The following CMBL variants were observed in gnomAD, a reference collection of about 807,000 sequenced individuals.
CMBL encodes the protein carboxymethylenebutenolidase homolog, also known as carboxymethylenebutenolidase homolog (Pseudomonas).
CMBL carries 17 observed loss-of-function variants against 28.7 expected under a neutral mutation model. That is an observed-to-expected ratio of 0.59 (90% confidence interval 0.41 to 0.89). CMBL has a LOEUF of 0.89. Ranked by LOEUF, CMBL falls within the 40% of genes least tolerant of loss-of-function variation. The pLI is 0.00. For synonymous variants in CMBL, 106 were observed against 101.6 expected, an observed-to-expected ratio of 1.04 and a Z score of -0.26; for missense variants, 310 against 298.5, an observed-to-expected ratio of 1.04 and a Z score of -0.28.
At chr5:10,303,429 T>C (rs975960502) in intron 1 of CMBL, among the ~76,000 whole-genome samples, 2 of 152,206 alleles carry the variant, frequency 1.3e-5, no homozygotes, top group East Asian at 3.8e-4. Context: ...ACAACACATG[T>C]ATTTATTAAA....
chr5:10,290,303 G>A, intron 2 of CMBL: 1 of 514,886 alleles, frequency 1.9e-6, no homozygotes, highest in South Asian at 2.2e-5. Context: ...TCAATGTCCA[G>A]CAAGTCTAAA....
chr5:10,288,652 G>A (rs530954303), intron 2 of CMBL, 123 bp from the exon 3 acceptor site: 2 of 727,038 alleles, frequency 2.8e-6, no homozygotes, highest in Non-Finnish European at 4.7e-6. Flanking sequence ...AAAGTAGTGG[G>A]TGTGAAGGCC....
Position 10,278,265 on chromosome 5 carries a change from C to T in CMBL, c.*2188G>A, listed in dbSNP as rs976961351. ...ATACTAGAAGCAGGGATTAGTAACA[C>T]AGTTTCCAGTTATACAACTTCTCAC... On this transcript the variant is annotated 3_prime_UTR_variant, in exon 6 of 6. Coordinates refer to ENST00000296658, the MANE Select transcript of CMBL (RefSeq NM_138809.4). Among the ~76,000 whole-genome samples, 3 of 152,162 alleles carry T rather than the reference C, an allele frequency of 2.0e-5. No individual in the cohort carries two copies. Among genetic ancestry groups the T allele is most frequent in the African/African-American group, 7.2e-5 (3 of 41,428 alleles).
intron 1 of CMBL, among the ~76,000 whole-genome samples, chr5:10,302,779 G>A (rs577519237): frequency 3.9e-5 from 6 of 152,258 alleles, no homozygotes; most frequent in African/African-American, 1.4e-4. Flanking sequence ...AGCATCCAAG[G>A]ATATAGACAG....
In CMBL at chr5:10,280,354, CTTA is replaced by C; in HGVS notation, c.*96_*98del. ...AATAATCAATTTTAGGATTCCTACA[CTTA>C]TTTTATAAAAGTGAAAATTAAATCA... is the stretch of plus-strand genomic sequence containing the variant. On this transcript the variant is annotated 3_prime_UTR_variant, in exon 6 of 6. Coordinates refer to ENST00000296658, the MANE Select transcript of CMBL (RefSeq NM_138809.4). The C allele has an allele frequency of 1.1e-6, 1 of 899,932 alleles. No individual in the cohort carries two copies. Among genetic ancestry groups the C allele is most frequent in the Non-Finnish European group, 1.6e-6 (1 of 608,342 alleles). The allele number at this position is 899,932 out of a possible 1,614,324, so 55.7% of individuals were successfully genotyped here.
rs752781201 is a variant in CMBL, at chr5:10,290,776, G to A, written c.-14C>T. 9 of 1,609,878 alleles carry A rather than the reference G, an allele frequency of 5.6e-6. No individual in the cohort carries two copies. Among genetic ancestry groups the A allele is most frequent in the Admixed American group, 1.7e-5 (1 of 59,988 alleles). On this transcript the variant is annotated 5_prime_UTR_variant, in exon 2 of 6. Transcript: ENST00000296658. ...TTCGTTAGCCATTGCAGAGATTTAA[G>A]TCGGGCTATGGAGAGAGAAACATGC...
In CMBL at chr5:10,280,640, G is replaced by C; in HGVS notation, c.559-8C>G. On this transcript the variant is annotated splice_polypyrimidine_tract_variant and splice_region_variant and intron_variant, in intron 5 of 5. Transcript: ENST00000296658. ...CTGAGTCAGCAAAGATACCTGGTGT[G>C]CAAAAGATTTCATGATTTTAACCCT... 6.3e-7 allele frequency: 1 copy of C among 1,589,294 alleles called. No individual in the cohort carries two copies. The highest frequency in any genetic ancestry group is 1.1e-5 in the South Asian group (1 of 89,714).
intron 1 of CMBL, among the ~76,000 whole-genome samples, chr5:10,297,079 G>C (rs1746822046): frequency 6.6e-6 from 1 of 151,832 alleles, no homozygotes; most frequent in Non-Finnish European, 1.5e-5. Flanking sequence ...CAGCTACTTG[G>C]GACGCTGAGG....
At chr5:10,282,359 G>C in intron 4 of CMBL, 71 bp from the exon 5 acceptor site, 1 of 865,416 alleles carries the variant, frequency 1.2e-6, no homozygotes, top group Non-Finnish European at 2.0e-6. Context: ...CACCCATGCC[G>C]CATGATCCCC....
Position 10,288,514 on chromosome 5 carries a change from G to C in CMBL, c.231C>G (p.Asp77Glu). ...CCCAAGGCTCTTGCCCTACAAAGAA[G>C]TCTGGAACAATGGTTCTGCAAAATA... ...SGNGYTTIVP[D>E]FFVGQEPWDP... The change falls in exon 3 of 6, where the codon GAC (aspartate) becomes GAG (glutamate). Residue 77 changes from aspartate (D) to glutamate (E), a missense_variant. Transcript: ENST00000296658. 6.2e-7 allele frequency: 1 copy of C among 1,613,308 alleles called. No individual in the cohort carries two copies. The highest frequency in any genetic ancestry group is 8.5e-7 in the Non-Finnish European group (1 of 1,179,264).
At chr5:10,300,130 G>A (rs2126561635) in intron 1 of CMBL, among the ~76,000 whole-genome samples, 1 of 152,306 alleles carries the variant, frequency 6.6e-6, no homozygotes, top group East Asian at 1.9e-4. Context: ...GAGTACAGTA[G>A]ACCATAAATC....
chr5:10,286,146 C>T (rs1348527064), intron 4 of CMBL: 3 of 493,844 alleles, frequency 6.1e-6, no homozygotes, highest in Non-Finnish European at 1.0e-5. Flanking sequence ...CACTGGGACC[C>T]AGACCTCTTG....
chr5:10,306,901 A>G (rs1485075677), intron 1 of CMBL, among the ~76,000 whole-genome samples: 1 of 152,168 alleles, frequency 6.6e-6, no homozygotes, highest in African/African-American at 2.4e-5. Flanking sequence ...AGGCCTGGAC[A>G]GGATTCCCCG....
intron 3 of CMBL, 132 bp from the exon 4 acceptor site, chr5:10,286,628 C>CCAAGGTTTCTTCTT (rs1746609560): frequency 1.3e-6 from 1 of 746,710 alleles, no homozygotes; most frequent in African/African-American, 1.8e-5. Flanking sequence ...TTGGGAGCTC[C>CCAAGGTTTCTTCTT]ACCCTTACTA....
intron 1 of CMBL, among the ~76,000 whole-genome samples, chr5:10,296,966 C>T (rs1027452736): frequency 1.3e-5 from 2 of 152,094 alleles, no homozygotes; most frequent in Non-Finnish European, 2.9e-5. Flanking sequence ...GGGTGGGTTG[C>T]TTGAGGCCTG....
chr5:10,287,029 G>A (rs1027295256), intron 3 of CMBL, among the ~76,000 whole-genome samples: 4 of 152,064 alleles, frequency 2.6e-5, no homozygotes, highest in African/African-American at 4.8e-5. Context: ...TCCCCCTGCC[G>A]CCCAGTGAAG....
intron 1 of CMBL, 117 bp from the exon 2 acceptor site, chr5:10,290,898 T>A: frequency 1.4e-6 from 1 of 736,538 alleles, no homozygotes; most frequent in Non-Finnish European, 2.2e-6. Flanking sequence ...ACATCTATGG[T>A]ATTATGTGAG....
rs115129340 is a variant in CMBL at position 10,282,221 on chromosome 5, A to C, written c.534T>G (p.Asn178Lys). 1.2e-6 allele frequency: 2 copies of C among 1,612,044 alleles called. No individual in the cohort carries two copies. The highest frequency in any genetic ancestry group is 1.7e-6 in the Non-Finnish European group (2 of 1,178,134). ...KNPTLFIFAENDVVIPLKDVS... is the reference protein window; with the variant it reads ...KNPTLFIFAEKDVVIPLKDVS... Reference sequence around the variant, plus strand: ...CGTCCTTGAGTGGAATCACAACATCATTTTCAGCAAAAATGAACAAAGTGG... The same window carrying C: ...CGTCCTTGAGTGGAATCACAACATCCTTTTCAGCAAAAATGAACAAAGTGG... Residue 178 changes from asparagine (N) to lysine (K), a missense_variant, in exon 5 of 6, where the codon AAT (asparagine) becomes AAG (lysine). Transcript: ENST00000296658.
chr5:10,301,606 G>GT (rs371796871), intron 1 of CMBL, among the ~76,000 whole-genome samples: 125 of 132,222 alleles, frequency 9.5e-4, no homozygotes, highest in South Asian at 1.8e-3. Context: ...TTCTTTTCGG[G>GT]TTTTTTTTTT....
Sources: allele counts gnomAD v4.1 joint callset (sites outside exome capture counted in the v4.1 genomes callset), GRCh38; gene constraint gnomAD v4.1.1; transcripts MANE v1.5; gene names NCBI Gene and HGNC (gene_info 2026-07-23, HGNC 2026-07-21).